The following MAST3 variants were observed in gnomAD, a reference collection of about 807,000 sequenced individuals.
MAST3 encodes the protein microtubule associated serine/threonine kinase 3.
In MAST3, 43 loss-of-function variants were observed where a neutral mutation model predicts 127.0. That is an observed-to-expected ratio of 0.34 (90% CI 0.27 to 0.44). MAST3 has a LOEUF of 0.44. Ranked by LOEUF, MAST3 falls within the 20% of genes least tolerant of loss-of-function variation. The pLI is 1.00. For missense variants in MAST3, 1,390 were observed against 1,919.1 expected (o/e 0.72, Z 5.15); for synonymous variants, 785 against 809.2 (o/e 0.97, Z 0.51).
At chr19:18,128,151 C>T (rs977917372) in intron 11 of MAST3, among the ~76,000 whole-genome samples, 2 of 152,234 alleles carry the variant, frequency 1.3e-5, no homozygotes, top group African/African-American at 4.8e-5. Flanking sequence ...GCTCAAGGCT[C>T]AGAGCCTAAG....
intron 3 of MAST3, among the ~76,000 whole-genome samples, chr19:18,113,796 C>T (rs1244137607): frequency 6.6e-6 from 1 of 152,180 alleles, no homozygotes. Flanking sequence ...CAGGGTTTCA[C>T]CATGTTGACC....
intron 18 of MAST3, among the ~76,000 whole-genome samples, chr19:18,136,925 G>A (rs1206682501): frequency 6.6e-6 from 1 of 151,980 alleles, no homozygotes; most frequent in Non-Finnish European, 1.5e-5. Flanking sequence ...AGGTTCGAGC[G>A]ATTCTCTTGC....
chr19:18,122,066 C>A, intron 5 of MAST3, 144 bp downstream of exon 5: 1 of 1,470,650 alleles, frequency 6.8e-7, no homozygotes, highest in Non-Finnish European at 9.0e-7. Flanking sequence ...GTGGTCTCCC[C>A]CTCTGGCTCC....
intron 20 of MAST3, among the ~76,000 whole-genome samples, chr19:18,139,370 G>A (rs2042206845): frequency 6.6e-6 from 1 of 152,034 alleles, no homozygotes; most frequent in South Asian, 2.1e-4. Context: ...TGTTGCCCAG[G>A]CTGGAGTGCA....
intron 1 of MAST3, among the ~76,000 whole-genome samples, chr19:18,100,128 C>CTCTTTTTTTTT (rs776661078): frequency 8.2e-5 from 10 of 121,718 alleles, no homozygotes; most frequent in Admixed American, 9.4e-5. Context: ...CTCTCTCTCT[C>CTCTTTTTTTTT]TTTTTTTTTT....
rs941215350 is a variant in MAST3, at chr19:18,129,612, C to T, written c.1223+661C>T. On this transcript the variant is annotated intron_variant, in intron 13 of 27. Transcript: ENST00000687212. ...TTACTTGGTCTGTGTGTAAAACAAACGGATGTGTAAAACTTTGAGTTTGGT... is the reference window on the plus strand; with the variant it reads ...TTACTTGGTCTGTGTGTAAAACAAATGGATGTGTAAAACTTTGAGTTTGGT... 3.9e-5 allele frequency among the ~76,000 whole-genome samples: 6 copies of T among 152,118 alleles called. No homozygotes were observed. In the East Asian group the frequency reaches 9.6e-4, roughly 24 times the overall value.
chr19:18,125,572 C>T (rs557168848), intron 11 of MAST3, among the ~76,000 whole-genome samples: 1 of 151,784 alleles, frequency 6.6e-6, no homozygotes, highest in East Asian at 1.9e-4. Context: ...GAAACCCCAT[C>T]TCTACTAAAG....
chr19:18,142,315 T>C (rs754890372), intron 21 of MAST3, among the ~76,000 whole-genome samples: 1 of 151,790 alleles, frequency 6.6e-6, no homozygotes, highest in Non-Finnish European at 1.5e-5. Flanking sequence ...AAACAGTCAA[T>C]GTCTGCTAGA....
intron 3 of MAST3, among the ~76,000 whole-genome samples, chr19:18,116,371 C>A (rs1410379062): frequency 1.3e-5 from 2 of 150,862 alleles, no homozygotes; most frequent in Non-Finnish European, 3.0e-5. Context: ...CAGCTCACTG[C>A]AACCTCCGCC....
chr19:18,097,899 C>T (rs1417387300), intron 1 of MAST3, 68 bp downstream of exon 1: 5 of 1,158,164 alleles, frequency 4.3e-6, no homozygotes, highest in Non-Finnish European at 5.4e-6. Flanking sequence ...TGAAAGGTGC[C>T]GGGAGGGGCG....
chr19:18,111,628 G>A (rs947111064), intron 3 of MAST3, among the ~76,000 whole-genome samples: 24 of 144,960 alleles, frequency 1.7e-4, no homozygotes, highest in African/African-American at 6.4e-4. Flanking sequence ...TCCACCTCCT[G>A]GGTTCAAGCA....
chr19:18,146,625 C>T lies in MAST3; in HGVS notation c.3163-256C>T, dbSNP rs148619661. On this transcript the variant is annotated intron_variant, in intron 25 of 27. Coordinates refer to ENST00000687212, the MANE Select transcript of MAST3 (RefSeq NM_001393504.1). ...TACCAGATAGGTGGGTGACAGACCC[C>T]GGGAGGGTGGAGAGTGAAGAGGGCA... Among the ~76,000 whole-genome samples, 11 of 152,148 alleles carry T rather than the reference C, an allele frequency of 7.2e-5. No individual in the cohort carries two copies. In the East Asian group the frequency reaches 1.2e-3, roughly 16 times the overall value.
At chr19:18,131,582 C>T (rs1249567615) in intron 14 of MAST3, among the ~76,000 whole-genome samples, 2 of 137,244 alleles carry the variant, frequency 1.5e-5, no homozygotes, top group Non-Finnish European at 3.2e-5. Flanking sequence ...GCCTGTAATC[C>T]CAGCTACTCT....
rs1425016230 is a variant in MAST3, at chr19:18,151,527, C to G, written c.*1801C>G. On this transcript the variant is annotated 3_prime_UTR_variant, in exon 28 of 28. Transcript: ENST00000687212. ...GATGCTGTGTGACCCACTGGGCACT[C>G]TGGTGAGGGAGCTTTCCAGACATCA... The G allele has an allele frequency of 6.6e-6, 1 of 152,274 alleles. No homozygotes were observed. The highest frequency in any genetic ancestry group is 1.5e-5 in the Non-Finnish European group (1 of 68,092). The allele number at this position is 152,274 out of a possible 1,614,324, so 9.4% of individuals were successfully genotyped here.
chr19:18,139,687 T>C (rs1394169160), intron 20 of MAST3, among the ~76,000 whole-genome samples: 2 of 152,146 alleles, frequency 1.3e-5, no homozygotes, highest in Non-Finnish European at 2.9e-5. Flanking sequence ...GGTCTCAAAC[T>C]CTTGACCTCA....
rs1408346664 is a variant in MAST3 at position 18,144,099 on chromosome 19, T to C, written c.2584+92T>C. 1 of 1,468,260 alleles carries C rather than the reference T, an allele frequency of 6.8e-7. No individual in the cohort carries two copies. The highest frequency in any genetic ancestry group is 9.0e-7 in the Non-Finnish European group (1 of 1,105,860). The allele number at this position is 1,468,260 out of a possible 1,614,324, so 91.0% of individuals were successfully genotyped here. On this transcript the variant is annotated intron_variant, in intron 22 of 27. Transcript: ENST00000687212. The surrounding 1 kb of genome is among the most constrained non-coding windows in gnomAD (Gnocchi z 4.0). ...TGGGTTTTCAAGGATGAGTAGGAGT[T>C]CTCCAGAGCCAACAAAGGCTTTAAG...
At chr19:18,125,825 T>C (rs770078103) in intron 11 of MAST3, among the ~76,000 whole-genome samples, 5 of 151,748 alleles carry the variant, frequency 3.3e-5, no homozygotes, top group Non-Finnish European at 5.9e-5. Context: ...TTTGTGAGAC[T>C]GAGGCGGGTG....
At chr19:18,103,588 A>G (rs141189406) in intron 1 of MAST3, among the ~76,000 whole-genome samples, 1 of 152,212 alleles carries the variant, frequency 6.6e-6, no homozygotes, top group East Asian at 1.9e-4. Context: ...TTTGGAAGCA[A>G]CTTTCAACTG....
At position 18,100,126 on chromosome 19, in the gene MAST3, C is replaced by CTT. The variant is rs201140700; in HGVS notation, c.39+2296_39+2297insTT. On this transcript the variant is annotated intron_variant, in intron 1 of 27. Transcript: ENST00000687212. ...GAGGCAGAAGGATCTCTCTCTCTCT[C>CTT]TCTTTTTTTTTTTTTTGAGAAAGAA... 2.4e-3 allele frequency among the ~76,000 whole-genome samples: 285 copies of CTT among 117,022 alleles called. 3 individuals carry two copies. Among genetic ancestry groups the CTT allele is most frequent in the East Asian group, 5.2e-3 (18 of 3,486 alleles). The allele number at this position is 117,022 out of a possible 152,430, so 76.8% of individuals were successfully genotyped here. A position where few individuals can be genotyped will look rare whatever the true frequency, so the allele number is the denominator to read the frequency against.
Sources: allele counts gnomAD v4.1 joint callset (sites outside exome capture counted in the v4.1 genomes callset), GRCh38; gene constraint gnomAD v4.1.1; non-coding constraint Gnocchi (gnomAD v3.1); transcripts MANE v1.5; gene names NCBI Gene and HGNC (gene_info 2026-07-23, HGNC 2026-07-21).